The following HDAC9 variants were observed in gnomAD, a reference collection of about 807,000 sequenced individuals.
HDAC9 encodes histone deacetylase 9.
HDAC9 carries 41 observed loss-of-function variants against 139.4 expected under a neutral mutation model. The ratio of observed to expected loss-of-function variants is 0.29; its 90% CI spans 0.23 to 0.38. The LOEUF is 0.38. HDAC9 is among the 10% of genes least tolerant of loss of function. The pLI, the probability that HDAC9 is intolerant of heterozygous loss-of-function variation, is 1.00. For synonymous variants in HDAC9, 517 were observed against 476.2 expected (o/e 1.09, Z -1.12); for missense variants, 1,147 against 1,297.0 (o/e 0.88, Z 1.78).
chr7:18,929,559 T>C (rs1236863588), intron 22 of HDAC9, among the ~76,000 whole-genome samples: 1 of 152,230 alleles, frequency 6.6e-6, no homozygotes, highest in Non-Finnish European at 1.5e-5. Context: ...TAGGATTCTT[T>C]AGTAGTAGAT....
chr7:18,171,997 G>T lies in HDAC9; in HGVS notation c.25+9648G>T, dbSNP rs959653833. On this transcript the variant is annotated intron_variant, in intron 2 of 12. Coordinates refer to the HDAC9 transcript ENST00000417496. Reference sequence around the variant, plus strand: ...GAGGATTCCTTGTTTTTCTATTGATGGGAATAGTTTCAGAAGGAATGGTAC... The same window carrying T: ...GAGGATTCCTTGTTTTTCTATTGATTGGAATAGTTTCAGAAGGAATGGTAC... Among the ~76,000 whole-genome samples the T allele has an allele frequency of 6.6e-5, 10 of 152,168 alleles. No individual in the cohort carries two copies. The East Asian group carries it at 1.7e-3, about 27-fold the overall frequency.
chr7:18,392,011 C>T (rs999698893), intron 1 of HDAC9, among the ~76,000 whole-genome samples: 2 of 152,148 alleles, frequency 1.3e-5, no homozygotes, highest in African/African-American at 4.8e-5. Flanking sequence ...TGTAAAATGA[C>T]CTCCTCATCC....
At chr7:18,691,328 A>T (rs1435679883) in intron 12 of HDAC9, among the ~76,000 whole-genome samples, 2 of 152,058 alleles carry the variant, frequency 1.3e-5, no homozygotes, top group African/African-American at 2.4e-5. Context: ...AATAATCCAG[A>T]AGTTTAAATA....
intron 1 of HDAC9, among the ~76,000 whole-genome samples, chr7:18,343,587 A>T (rs1024357640): frequency 4.6e-5 from 7 of 151,898 alleles, no homozygotes; most frequent in Non-Finnish European, 7.4e-5. Context: ...CAGAAATTTA[A>T]GCATATTTTT....
At chr7:18,820,032 G>T (rs1257937816) in intron 17 of HDAC9, among the ~76,000 whole-genome samples, 1 of 152,062 alleles carries the variant, frequency 6.6e-6, no homozygotes, top group African/African-American at 2.4e-5. Flanking sequence ...AATCTAAGAT[G>T]CTCATAAGTT....
At chr7:18,151,178 C>A (rs1786752961) in intron 1 of HDAC9, among the ~76,000 whole-genome samples, 1 of 151,970 alleles carries the variant, frequency 6.6e-6, no homozygotes, top group Non-Finnish European at 1.5e-5. Flanking sequence ...GTTTTGGTCC[C>A]CTTGTTTTTA....
intron 22 of HDAC9, among the ~76,000 whole-genome samples, chr7:18,888,248 C>T (rs1165425610): frequency 6.6e-6 from 1 of 152,004 alleles, no homozygotes; most frequent in African/African-American, 2.4e-5. Context: ...GGTGAAACCC[C>T]GTCTCTACTA....
chr7:18,328,307 C>T (rs1256550918), intron 1 of HDAC9, among the ~76,000 whole-genome samples: 2 of 151,746 alleles, frequency 1.3e-5, no homozygotes. Context: ...CTCACAGTTT[C>T]TAGGGTGTAG....
chr7:18,290,990 G>A (rs569137793), intron 1 of HDAC9, among the ~76,000 whole-genome samples: 50 of 152,282 alleles, frequency 3.3e-4, no homozygotes, highest in African/African-American at 1.2e-3. Flanking sequence ...AGCAAAAATA[G>A]AGTGAATAGT....
chr7:18,946,796 C>G (rs1782436163), intron 23 of HDAC9, among the ~76,000 whole-genome samples: 1 of 152,066 alleles, frequency 6.6e-6, no homozygotes, highest in South Asian at 2.1e-4. Flanking sequence ...GATTTAAACA[C>G]TTGATAAACT....
At chr7:18,168,562 G>T (rs1427896411) in intron 2 of HDAC9, among the ~76,000 whole-genome samples, 1 of 151,966 alleles carries the variant, frequency 6.6e-6, no homozygotes, top group African/African-American at 2.4e-5. Flanking sequence ...AAAACTCTGT[G>T]TGTGTGTCTG....
intron 13 of HDAC9, among the ~76,000 whole-genome samples, chr7:18,736,136 T>C (rs1448423011): frequency 6.6e-6 from 1 of 152,220 alleles, no homozygotes; most frequent in Non-Finnish European, 1.5e-5. Flanking sequence ...GATTTTGGGC[T>C]GAGACGATAG....
Position 18,999,830 on chromosome 7 carries a change from A to G in HDAC9, c.*3768A>G, listed in dbSNP as rs1786666700. ...TCTGTCGAATGTTTACTCTCATCTT[A>G]TCTCAATGAAAGAAGTATTAAAAGT... On this transcript the variant is annotated 3_prime_UTR_variant, in exon 26 of 26. Coordinates refer to ENST00000686413, the MANE Select transcript of HDAC9 (RefSeq NM_178425.4). 6.6e-6 allele frequency: 1 copy of G among 152,322 alleles called. No individual in the cohort carries two copies. Among genetic ancestry groups the G allele is most frequent in the Admixed American group, 6.5e-5 (1 of 15,292 alleles). 9.4% of individuals were successfully genotyped at this position (152,322 alleles called of 1,614,324 possible). A position where few individuals can be genotyped will look rare whatever the true frequency, so the allele number is the denominator to read the frequency against.
chr7:18,741,404 C>T (rs1441776472), intron 13 of HDAC9, among the ~76,000 whole-genome samples: 1 of 152,154 alleles, frequency 6.6e-6, no homozygotes, highest in African/African-American at 2.4e-5. Flanking sequence ...ATAAATGGAA[C>T]CACAAAGCCT....
chr7:18,485,214 G>T (rs930804262), intron 1 of HDAC9, among the ~76,000 whole-genome samples: 1 of 152,108 alleles, frequency 6.6e-6, no homozygotes, highest in African/African-American at 2.4e-5. Context: ...TGTATTTCAT[G>T]TGAGTGTTGT....
chr7:18,459,675 G>A (rs1313816813), intron 1 of HDAC9, among the ~76,000 whole-genome samples: 1 of 152,102 alleles, frequency 6.6e-6, no homozygotes, highest in African/African-American at 2.4e-5. Flanking sequence ...TGCAAGTGTA[G>A]ATTTGGGGGA....
chr7:18,564,375 G>A (rs1821597115), intron 2 of HDAC9, among the ~76,000 whole-genome samples: 1 of 152,144 alleles, frequency 6.6e-6, no homozygotes, highest in Non-Finnish European at 1.5e-5. Flanking sequence ...TCAAGTGTGA[G>A]GTAATCCCTT....
intron 22 of HDAC9, among the ~76,000 whole-genome samples, chr7:18,889,148 C>T (rs917596389): frequency 4.6e-5 from 7 of 152,174 alleles, no homozygotes; most frequent in African/African-American, 1.7e-4. Context: ...ATTCTGCAGC[C>T]TGGAAAATCT....
chr7:18,612,654 T>G (rs1235544758), intron 6 of HDAC9, among the ~76,000 whole-genome samples: 1 of 47,514 alleles, frequency 2.1e-5, no homozygotes, highest in Non-Finnish European at 4.6e-5. Context: ...AGGTAAGCAT[T>G]GGAAACATTT....
Sources: gnomAD v4.1 joint callset for allele counts (sites outside exome capture counted in the v4.1 genomes callset) on GRCh38, gnomAD v4.1.1 for gene constraint, MANE v1.5 for transcripts, NCBI Gene and HGNC (gene_info 2026-07-23, HGNC 2026-07-21) for gene names.